The following GRAMD1B variants were observed in gnomAD, a reference collection of about 807,000 sequenced individuals.
GRAMD1B encodes GRAM domain containing 1B, also known as protein Aster-B.
GRAMD1B carries 37 observed loss-of-function variants against 99.7 expected under a neutral mutation model. The observed-to-expected ratio is 0.37, with a 90% CI of 0.29 to 0.49. The LOEUF is 0.49. GRAMD1B is among the 20% of genes least tolerant of loss of function. The probability of loss-of-function intolerance (pLI) is 0.98; values close to 1 mark genes in which losing one functional copy is unlikely to be tolerated. For synonymous variants in GRAMD1B, 427 were observed against 387.6 expected, an observed-to-expected ratio of 1.10 and a Z score of -1.19; for missense variants, 888 against 1,009.2, an observed-to-expected ratio of 0.88 and a Z score of 1.63.
Position 123,623,060 on chromosome 11 carries a change from A to C in GRAMD1B, c.*465A>C, listed in dbSNP as rs1018255431. ...AAGAGAATCTTTTCTTCCCTACCCC[A>C]GGCTTCCCCAGGCATTCTCTTGGGA... On this transcript the variant is annotated 3_prime_UTR_variant, in exon 20 of 20. Coordinates refer to ENST00000635736, the MANE Select transcript of GRAMD1B (RefSeq NM_001387025.1). 2 of 152,090 alleles carry C rather than the reference A, an allele frequency of 1.3e-5. No individual in the cohort carries two copies. The highest frequency in any genetic ancestry group is 4.8e-5 in the African/African-American group (2 of 41,384). 9.4% of individuals were successfully genotyped at this position (152,090 alleles called of 1,614,324 possible). A position where few individuals can be genotyped will look rare whatever the true frequency, so the allele number is the denominator to read the frequency against.
intron 1 of GRAMD1B, among the ~76,000 whole-genome samples, chr11:123,476,791 A>G (rs1017627894): frequency 2.0e-5 from 3 of 152,058 alleles, no homozygotes; most frequent in Non-Finnish European, 4.4e-5. Context: ...TTTTCTTCTC[A>G]TTTCTGCATG....
At chr11:123,443,865 G>A (rs928380001) in intron 1 of GRAMD1B, among the ~76,000 whole-genome samples, 3 of 152,232 alleles carry the variant, frequency 2.0e-5, no homozygotes, top group Non-Finnish European at 4.4e-5. Flanking sequence ...ACAGGCGTGA[G>A]CCACTGCACC....
chr11:123,570,011 T>C (rs1016425587), intron 2 of GRAMD1B, among the ~76,000 whole-genome samples: 1 of 152,224 alleles, frequency 6.6e-6, no homozygotes, highest in African/African-American at 2.4e-5. Context: ...CAAATGATTT[T>C]ACTATTCCAG....
At chr11:123,578,423 T>C (rs771543076) in intron 3 of GRAMD1B, 2 of 1,532,080 alleles carry the variant, frequency 1.3e-6, no homozygotes, top group Non-Finnish European at 1.7e-6. Context: ...CACAAGCGCC[T>C]CTCAAAAGTA....
chr11:123,536,654 A>G lies in GRAMD1B; in HGVS notation c.453-40713A>G, dbSNP rs529655436. On this transcript the variant is annotated intron_variant, in intron 2 of 19. Transcript: ENST00000635736. ...GCCTTTCCTGCACTTAAAATTTACTACTGTTTTTCATGCCTTAGGTGGGGC... is the reference window on the plus strand; with the variant it reads ...GCCTTTCCTGCACTTAAAATTTACTGCTGTTTTTCATGCCTTAGGTGGGGC... Among the ~76,000 whole-genome samples the G allele has an allele frequency of 2.0e-5, 3 of 152,130 alleles. No homozygotes were observed. In the East Asian group the frequency reaches 5.8e-4, roughly 29 times the overall value.
At chr11:123,578,547 C>T in intron 3 of GRAMD1B, 1 of 768,298 alleles carries the variant, frequency 1.3e-6, no homozygotes, top group Non-Finnish European at 2.2e-6. Context: ...CTGCTTGGTC[C>T]CTTTCCCAGA....
chr11:123,578,464 C>T (rs1051416853), intron 3 of GRAMD1B: 2 of 1,474,732 alleles, frequency 1.4e-6, no homozygotes, highest in Non-Finnish European at 1.8e-6. Flanking sequence ...CTTTTATCTC[C>T]CCTCTAGTGT....
At chr11:123,471,979 A>G (rs544889515) in intron 1 of GRAMD1B, among the ~76,000 whole-genome samples, 3 of 152,316 alleles carry the variant, frequency 2.0e-5, no homozygotes, top group African/African-American at 7.2e-5. Flanking sequence ...CAAGAGAGGA[A>G]AACTAACGCT....
At chr11:123,457,478 T>C (rs1278472133) in intron 1 of GRAMD1B, among the ~76,000 whole-genome samples, 1 of 152,218 alleles carries the variant, frequency 6.6e-6, no homozygotes, top group African/African-American at 2.4e-5. Flanking sequence ...CAAACAGGCT[T>C]AATGGAAGAT....
At chr11:123,479,435 T>C (rs1384804292) in intron 1 of GRAMD1B, among the ~76,000 whole-genome samples, 1 of 152,170 alleles carries the variant, frequency 6.6e-6, no homozygotes, top group Non-Finnish European at 1.5e-5. Flanking sequence ...AGGAATATAC[T>C]CTATAGAGAC....
chr11:123,428,993 A>T (rs947240323), upstream of GRAMD1B, among the ~76,000 whole-genome samples: 6 of 152,116 alleles, frequency 3.9e-5, no homozygotes, highest in African/African-American at 1.4e-4. Flanking sequence ...GGAGTTTGAG[A>T]CCAGCCTGGG....
At chr11:123,606,883 T>C (rs1952815662) in intron 11 of GRAMD1B, 85 bp downstream of exon 11, 2 of 1,028,968 alleles carry the variant, frequency 1.9e-6, no homozygotes, top group Admixed American at 2.1e-5. Flanking sequence ...CTGTAGTTAG[T>C]CTCTAGGTTC....
At chr11:123,454,466 C>A (rs931614643) in intron 1 of GRAMD1B, 6 of 152,158 alleles carry the variant, frequency 3.9e-5, no homozygotes, top group Non-Finnish European at 8.8e-5. Context: ...GTGGTTAGTG[C>A]CGTGATCAGC....
chr11:123,433,126 G>T (rs11824181), intron 1 of GRAMD1B, among the ~76,000 whole-genome samples: 65 of 151,138 alleles, frequency 4.3e-4, no homozygotes, highest in African/African-American at 1.6e-3. Context: ...GGCTGAGGCG[G>T]GAGGGTCACC....
intron 2 of GRAMD1B, among the ~76,000 whole-genome samples, chr11:123,529,237 T>C (rs2135522261): frequency 6.6e-6 from 1 of 152,286 alleles, no homozygotes; most frequent in Non-Finnish European, 1.5e-5. Flanking sequence ...CAGCAGACAC[T>C]CTAGAAATAC....
chr11:123,572,359 G>A (rs1336488627), intron 2 of GRAMD1B, among the ~76,000 whole-genome samples: 1 of 152,160 alleles, frequency 6.6e-6, no homozygotes, highest in Non-Finnish European at 1.5e-5. Context: ...TAGTGGCAGG[G>A]TCAGATGAAT....
At chr11:123,560,153 A>C in intron 2 of GRAMD1B, 1 of 981,556 alleles carries the variant, frequency 1.0e-6, no homozygotes, top group Non-Finnish European at 1.2e-6. Context: ...AAAGAGTTGC[A>C]TTATGTAAAC....
chr11:123,602,377 A>G (rs991362624), intron 8 of GRAMD1B, among the ~76,000 whole-genome samples: 1 of 151,604 alleles, frequency 6.6e-6, no homozygotes. Context: ...ATATTTTTAA[A>G]TTTTTTTATT....
At chr11:123,359,971 G>A (rs934496523) in intron 1 of GRAMD1B, among the ~76,000 whole-genome samples, 1 of 152,136 alleles carries the variant, frequency 6.6e-6, no homozygotes, top group Non-Finnish European at 1.5e-5. Context: ...CTTTTGGGGA[G>A]GGGCGGATCT....
Sources: allele counts gnomAD v4.1 joint callset (sites outside exome capture counted in the v4.1 genomes callset), GRCh38; gene constraint gnomAD v4.1.1; transcripts MANE v1.5; gene names NCBI Gene and HGNC (gene_info 2026-07-23, HGNC 2026-07-21).